The following ADAMTSL1 variants were observed in gnomAD, a reference collection of about 807,000 sequenced individuals.
ADAMTSL1 encodes ADAMTS like 1, also known as ADAMTS-like protein 1.
Under a neutral mutation model 201.8 loss-of-function variants are expected in ADAMTSL1, and 126 were observed. The ratio of observed to expected loss-of-function variants is 0.62; its 90% CI spans 0.54 to 0.72. The LOEUF (loss-of-function observed/expected upper bound fraction) is 0.72, where lower values mean the gene tolerates loss of function less well. Among genes scored for constraint, ADAMTSL1 ranks in the 30% least tolerant of loss-of-function variants. ADAMTSL1 has a pLI of 0.00. For missense variants in ADAMTSL1, 2,679 were observed against 2,277.8 expected (o/e 1.18, Z -3.59); for synonymous variants, 1,121 against 903.4 (o/e 1.24, Z -4.32).
At chr9:18,888,994 A>G (rs567423120) in intron 24 of ADAMTSL1, among the ~76,000 whole-genome samples, 5 of 152,290 alleles carry the variant, frequency 3.3e-5, no homozygotes, top group Admixed American at 1.3e-4. Flanking sequence ...TAAGCACTCA[A>G]AATTTACCAT....
At chr9:18,426,305 A>C (rs1262724304) in intron 2 of ADAMTSL1, among the ~76,000 whole-genome samples, 1 of 152,146 alleles carries the variant, frequency 6.6e-6, no homozygotes, top group African/African-American at 2.4e-5. Flanking sequence ...GCTTTATAGG[A>C]AGAAACTCTT....
intron 2 of ADAMTSL1, among the ~76,000 whole-genome samples, chr9:18,415,875 CAAGAA>C (rs1818652466): frequency 1.3e-5 from 2 of 151,530 alleles, no homozygotes; most frequent in Admixed American, 1.3e-4. Flanking sequence ...ACAATATATA[CAAGAA>C]GAGAATGGAG....
At chr9:17,945,844 T>A (rs1217195903) in intron 1 of ADAMTSL1, among the ~76,000 whole-genome samples, 8 of 147,214 alleles carry the variant, frequency 5.4e-5, no homozygotes, top group Non-Finnish European at 9.0e-5. Flanking sequence ...GAGGGATAGC[T>A]TTAGGAGATA....
chr9:18,628,291 AT>A (rs543509584), intron 5 of ADAMTSL1, among the ~76,000 whole-genome samples: 8 of 152,016 alleles, frequency 5.3e-5, no homozygotes, highest in African/African-American at 1.7e-4. Flanking sequence ...GGTAGCTTGA[AT>A]TTTTTTTCGT....
chr9:18,908,370 A>G, intron 28 of ADAMTSL1, 72 bp from the exon 29 acceptor site: 5 of 1,317,984 alleles, frequency 3.8e-6, no homozygotes, highest in Non-Finnish European at 4.3e-6. Context: ...CACCTCACAC[A>G]GGCTGCGTTC....
upstream of ADAMTSL1, among the ~76,000 whole-genome samples, chr9:18,470,561 G>A (rs1046563247): frequency 2.0e-5 from 3 of 152,190 alleles, no homozygotes; most frequent in Non-Finnish European, 4.4e-5. Context: ...CCAGCCCTGA[G>A]TTCTTTCCAG....
At chr9:18,778,585 G>A (rs1029374256) in intron 19 of ADAMTSL1, among the ~76,000 whole-genome samples, 3 of 152,066 alleles carry the variant, frequency 2.0e-5, no homozygotes, top group African/African-American at 7.2e-5. Flanking sequence ...ATTTTTTACC[G>A]CTACCTGTGC....
chr9:18,105,665 C>T (rs997997209), intron 1 of ADAMTSL1, among the ~76,000 whole-genome samples: 1 of 152,052 alleles, frequency 6.6e-6, no homozygotes, highest in Non-Finnish European at 1.5e-5. Flanking sequence ...ACCCGTAATG[C>T]CAAATGCAAT....
chr9:18,291,716 TTC>T (rs766379106), intron 2 of ADAMTSL1, among the ~76,000 whole-genome samples: 4,239 of 114,268 alleles, frequency 0.037, 89 homozygotes, highest in Middle Eastern at 0.076. Flanking sequence ...CTCTCTCTCT[TTC>T]TCTCTCTCTC....
chr9:18,183,844 G>A (rs529281702), intron 2 of ADAMTSL1, among the ~76,000 whole-genome samples: 20 of 152,268 alleles, frequency 1.3e-4, no homozygotes, highest in South Asian at 6.2e-4. Context: ...TTCTTGTATG[G>A]ATAACTTTTC....
At chr9:18,240,849 T>G (rs904093656) in intron 2 of ADAMTSL1, among the ~76,000 whole-genome samples, 1 of 152,204 alleles carries the variant, frequency 6.6e-6, no homozygotes, top group African/African-American at 2.4e-5. Context: ...CTTGCATTTT[T>G]CTGTTATAGA....
chr9:18,237,109 C>G (rs1830879035), intron 2 of ADAMTSL1, among the ~76,000 whole-genome samples: 1 of 152,202 alleles, frequency 6.6e-6, no homozygotes, highest in African/African-American at 2.4e-5. Flanking sequence ...ACAAACATCA[C>G]TAATGTACTT....
At chr9:18,129,051 C>T (rs1825848716) in intron 1 of ADAMTSL1, among the ~76,000 whole-genome samples, 1 of 152,098 alleles carries the variant, frequency 6.6e-6, no homozygotes, top group Non-Finnish European at 1.5e-5. Context: ...GCAGAAATTT[C>T]CCATTTTAAT....
chr9:18,863,625 C>T (rs982060588), intron 23 of ADAMTSL1, among the ~76,000 whole-genome samples: 3 of 152,172 alleles, frequency 2.0e-5, no homozygotes, highest in Admixed American at 2.0e-4. Context: ...TGAGTTTTTC[C>T]AATATGAATT....
At chr9:18,334,392 A>G (rs1586912363) in intron 2 of ADAMTSL1, among the ~76,000 whole-genome samples, 1 of 152,190 alleles carries the variant, frequency 6.6e-6, no homozygotes, top group Non-Finnish European at 1.5e-5. Flanking sequence ...CACACATGCA[A>G]GAGATTAGTT....
chr9:18,356,604 A>AACACACACACACACACAC (rs67090987), intron 2 of ADAMTSL1, among the ~76,000 whole-genome samples: 9 of 143,554 alleles, frequency 6.3e-5, no homozygotes, highest in African/African-American at 2.3e-4. Context: ...TACACAATAA[A>AACACACACACACACACAC]ACACACACAC....
intron 2 of ADAMTSL1, among the ~76,000 whole-genome samples, chr9:18,230,325 A>G (rs1174868505): frequency 6.6e-6 from 1 of 152,112 alleles, no homozygotes; most frequent in African/African-American, 2.4e-5. Context: ...CTACATGGGG[A>G]AGCCTGGAAG....
intron 1 of ADAMTSL1, among the ~76,000 whole-genome samples, chr9:17,920,379 C>T (rs1477157997): frequency 6.6e-6 from 1 of 152,124 alleles, no homozygotes; most frequent in Non-Finnish European, 1.5e-5. Flanking sequence ...GTTGAACTGG[C>T]CTATTTCATA....
chr9:18,025,503 G>C (rs1225165143), intron 1 of ADAMTSL1, among the ~76,000 whole-genome samples: 3 of 151,778 alleles, frequency 2.0e-5, no homozygotes, highest in Non-Finnish European at 2.9e-5. Context: ...ACCATTTATT[G>C]AATAGAGTCC....
Sources: gnomAD v4.1 joint callset for allele counts (sites outside exome capture counted in the v4.1 genomes callset) on GRCh38, gnomAD v4.1.1 for gene constraint, MANE v1.5 for transcripts, NCBI Gene and HGNC (gene_info 2026-07-23, HGNC 2026-07-21) for gene names.